The following UGT1A4 variants were observed in gnomAD, a reference collection of about 807,000 sequenced individuals.
UGT1A4 encodes the protein UDP glucuronosyltransferase family 1 member A4.
In UGT1A4, 32 loss-of-function variants were observed where a neutral mutation model predicts 41.1. That is an observed-to-expected ratio of 0.78 (90% CI 0.59 to 1.05). The LOEUF (loss-of-function observed/expected upper bound fraction) is 1.05, where lower values mean the gene tolerates loss of function less well. Among genes scored for constraint, UGT1A4 ranks in the 50% least tolerant of loss-of-function variants. The pLI, the probability that UGT1A4 is intolerant of heterozygous loss-of-function variation, is 0.00. For missense variants in UGT1A4, 748 were observed against 677.4 expected (o/e 1.10, Z -1.16); for synonymous variants, 283 against 265.1 (o/e 1.07, Z -0.66).
At chr2:233,761,167 G>A in intron 1 of UGT1A4, 1 of 1,614,098 alleles carries the variant, frequency 6.2e-7, no homozygotes. Context: ...TATTGGAGTG[G>A]GACTTTTACA....
chr2:233,760,041 G>A (rs1458038785), intron 1 of UGT1A4, among the ~76,000 whole-genome samples: 2 of 152,178 alleles, frequency 1.3e-5, no homozygotes, highest in Admixed American at 6.5e-5. Context: ...GTACTTTGCT[G>A]TGTTCACTCA....
intron 1 of UGT1A4, among the ~76,000 whole-genome samples, chr2:233,756,540 G>A (rs1404409517): frequency 2.0e-5 from 3 of 152,048 alleles, no homozygotes; most frequent in African/African-American, 7.2e-5. Flanking sequence ...TTTCTTGACT[G>A]CTAAAACAAC....
intron 1 of UGT1A4, among the ~76,000 whole-genome samples, chr2:233,723,536 TA>T (rs756280025): frequency 2.5e-5 from 3 of 121,442 alleles, no homozygotes; most frequent in African/African-American, 3.3e-5. Flanking sequence ...TTTTTTTTTT[TA>T]ATTTATTTTT....
chr2:233,764,221 A>G (rs1437910759), intron 1 of UGT1A4, among the ~76,000 whole-genome samples: 2 of 152,128 alleles, frequency 1.3e-5, no homozygotes, highest in African/African-American at 2.4e-5. Context: ...AAGGGAATCA[A>G]TGGTGGGGGA....
At chr2:233,757,812 T>G (rs772268398) in intron 1 of UGT1A4, among the ~76,000 whole-genome samples, 1 of 151,794 alleles carries the variant, frequency 6.6e-6, no homozygotes, top group Non-Finnish European at 1.5e-5. Flanking sequence ...TGAAAGGAGC[T>G]GGTAGTGTGT....
intron 1 of UGT1A4, among the ~76,000 whole-genome samples, chr2:233,737,298 C>T (rs370830407): frequency 3.9e-5 from 6 of 152,366 alleles, no homozygotes; most frequent in South Asian, 4.1e-4. Context: ...TGCCGCCTCA[C>T]AGTTCAATCT....
chr2:233,760,187 A>T (rs990924145), intron 1 of UGT1A4: 2 of 1,561,228 alleles, frequency 1.3e-6, no homozygotes, highest in African/African-American at 2.7e-5. Flanking sequence ...TTTTATAGTC[A>T]CGTGACACAG....
At chr2:233,733,959 G>A (rs561727271) in intron 1 of UGT1A4, among the ~76,000 whole-genome samples, 43 of 152,168 alleles carry the variant, frequency 2.8e-4, no homozygotes, top group African/African-American at 9.4e-4. Context: ...CCTGTTGTGG[G>A]GTAGGGGGAG....
chr2:233,763,429 C>G (rs192488384), intron 1 of UGT1A4, among the ~76,000 whole-genome samples: 230 of 152,268 alleles, frequency 1.5e-3, no homozygotes, highest in South Asian at 0.014. Context: ...CAGGCAGTTG[C>G]TTTAATAAGT....
chr2:233,773,036 G>A lies in UGT1A4; in HGVS notation c.*477G>A. ...TGCCACCTTGTGTGTTTAAAGAAGG[G>A]AAGCTTTGTACCTTTAGAGTGTAGG... On this transcript the variant is annotated 3_prime_UTR_variant, in exon 5 of 5. Coordinates refer to ENST00000373409, the MANE Select transcript of UGT1A4 (RefSeq NM_007120.3). 1 of 196,980 alleles carries A rather than the reference G, an allele frequency of 5.1e-6. No individual in the cohort carries two copies. Among genetic ancestry groups the A allele is most frequent in the South Asian group, 9.8e-5 (1 of 10,240 alleles). The allele number at this position is 196,980 out of a possible 1,614,324, so 12.2% of individuals were successfully genotyped here. A position where few individuals can be genotyped will look rare whatever the true frequency, so the allele number is the denominator to read the frequency against.
chr2:233,744,550 CAA>C (rs1194427613), intron 1 of UGT1A4, among the ~76,000 whole-genome samples: 3 of 151,848 alleles, frequency 2.0e-5, no homozygotes, highest in Non-Finnish European at 4.4e-5. Flanking sequence ...TTTATTAAGA[CAA>C]AATGTAGTGA....
At chr2:233,766,637 C>G (rs1389389579) in intron 1 of UGT1A4, among the ~76,000 whole-genome samples, 2 of 152,186 alleles carry the variant, frequency 1.3e-5, no homozygotes, top group African/African-American at 4.8e-5. Flanking sequence ...TTCCCTACTT[C>G]CATATCATTT....
At chr2:233,771,698 A>G (rs892218397) in intron 4 of UGT1A4, 1 of 152,738 alleles carries the variant, frequency 6.5e-6, no homozygotes, top group Non-Finnish European at 1.5e-5. Flanking sequence ...GAAGAAGAGT[A>G]GGAAGCAAGG....
chr2:233,766,877 C>G (rs3213726), intron 1 of UGT1A4, among the ~76,000 whole-genome samples, 157 bp from the exon 2 acceptor site: 1 of 152,336 alleles, frequency 6.6e-6, no homozygotes, highest in Non-Finnish European at 1.5e-5. Context: ...GAGGAAAATG[C>G]TGTAAAACTT....
intron 1 of UGT1A4, among the ~76,000 whole-genome samples, chr2:233,737,176 C>T (rs550268517): frequency 9.8e-5 from 15 of 152,314 alleles, no homozygotes; most frequent in African/African-American, 2.9e-4. Context: ...GAGTCTATAG[C>T]GGCAGTAGCC....
chr2:233,727,230 G>A (rs1426737314), intron 1 of UGT1A4, among the ~76,000 whole-genome samples: 1 of 152,174 alleles, frequency 6.6e-6, no homozygotes, highest in Non-Finnish European at 1.5e-5. Context: ...ATATGCGGAT[G>A]GCTCCAAGTC....
chr2:233,736,477 G>T (rs565407070), intron 1 of UGT1A4, among the ~76,000 whole-genome samples: 1 of 152,272 alleles, frequency 6.6e-6, no homozygotes, highest in East Asian at 1.9e-4. Context: ...GCTTGGAGAG[G>T]TTTGTTACTA....
Position 233,768,229 on chromosome 2 carries a change from T to C in UGT1A4, c.1097T>C (p.Met366Thr), listed in dbSNP as rs371224646. ...CTATTTTGCATCTCAGGTCACCCGATGACCCGTGCCTTTATCACCCATGCT... is the reference window on the plus strand; with the variant it reads ...CTATTTTGCATCTCAGGTCACCCGACGACCCGTGCCTTTATCACCCATGCT... Reference protein sequence around the residue: ...LPQNDLLGHPMTRAFITHAGS... With the variant: ...LPQNDLLGHPTTRAFITHAGS... Residue 366 changes from methionine to threonine, a missense_variant, in exon 4 of 5, where the codon ATG (methionine) becomes ACG (threonine). Coordinates refer to ENST00000373409, the MANE Select transcript of UGT1A4 (RefSeq NM_007120.3). 3.1e-6 allele frequency: 5 copies of C among 1,614,112 alleles called. No homozygotes were observed. The highest frequency in any genetic ancestry group is 4.2e-6 in the Non-Finnish European group (5 of 1,180,052).
In UGT1A4 at chr2:233,741,465, T is replaced by C. The variant is rs1260988830; in HGVS notation, c.867+21778T>C. The stretch of plus-strand genomic sequence containing the variant: ...ACTACTCAGTGAGTATCTTCACACA[T>C]GTAAGTTCCCTCGTCTGATGTACAA... On this transcript the variant is annotated intron_variant, in intron 1 of 4. Coordinates refer to ENST00000373409, the MANE Select transcript of UGT1A4 (RefSeq NM_007120.3). 6 of 151,930 alleles carry C rather than the reference T, an allele frequency of 3.9e-5. 1 individual carries two copies. Among genetic ancestry groups the C allele is most frequent in the African/African-American group, 1.2e-4 (5 of 41,162 alleles). 9.4% of individuals were successfully genotyped at this position (151,930 alleles called of 1,614,324 possible).
Sources: allele counts gnomAD v4.1 joint callset (sites outside exome capture counted in the v4.1 genomes callset), GRCh38; gene constraint gnomAD v4.1.1; transcripts MANE v1.5; gene names NCBI Gene and HGNC (gene_info 2026-07-23, HGNC 2026-07-21).